The following FRAS1 variants were observed in gnomAD, a reference collection of about 807,000 sequenced individuals.
FRAS1 encodes the protein Fraser extracellular matrix complex subunit 1, also known as extracellular matrix organizing protein FRAS1.
FRAS1 carries 290 observed loss-of-function variants against 435.2 expected under a neutral mutation model. The ratio of observed to expected loss-of-function variants is 0.67; its 90% CI spans 0.61 to 0.73. The LOEUF (loss-of-function observed/expected upper bound fraction) is 0.73, where lower values mean the gene tolerates loss of function less well. FRAS1 is among the 30% of genes least tolerant of loss of function. FRAS1 has a pLI of 0.00. For missense variants in FRAS1, 4,860 were observed against 5,001.5 expected, an observed-to-expected ratio of 0.97 and a Z score of 0.85; for synonymous variants, 1,800 against 1,851.0, an observed-to-expected ratio of 0.97 and a Z score of 0.71.
rs775576350 is a variant in FRAS1 at position 78,282,979 on chromosome 4, T to A, written c.1255+12T>A. 1 of 1,474,264 alleles carries A rather than the reference T, an allele frequency of 6.8e-7. No individual in the cohort carries two copies. The highest frequency in any genetic ancestry group is 1.5e-5 in the South Asian group (1 of 66,230). 91.3% of individuals were successfully genotyped at this position (1,474,264 alleles called of 1,614,324 possible). ...AGACTGCACATCAGGTGGGTCCATG[T>A]CTCCTCTGTTTCTACTGAGATAGTT... On this transcript the variant is annotated intron_variant, in intron 12 of 73. Transcript: ENST00000512123.
chr4:78,416,476 T>G (rs149370789), intron 32 of FRAS1, among the ~76,000 whole-genome samples: 1 of 151,776 alleles, frequency 6.6e-6, no homozygotes, highest in African/African-American at 2.4e-5. Flanking sequence ...TAAGAGAGAC[T>G]TAGAGACACA....
chr4:78,514,155 G>T (rs898021638), intron 65 of FRAS1, among the ~76,000 whole-genome samples: 1 of 152,242 alleles, frequency 6.6e-6, no homozygotes, highest in African/African-American at 2.4e-5. Flanking sequence ...GCTCTGGAGA[G>T]ACTTGTCCTA....
intron 2 of FRAS1, among the ~76,000 whole-genome samples, chr4:78,105,284 T>C (rs956232017): frequency 2.0e-5 from 3 of 152,212 alleles, no homozygotes; most frequent in Admixed American, 6.5e-5. Context: ...TGGTTATATA[T>C]TGTCCATCCA....
In FRAS1 at chr4:78,387,614, A is replaced by G; in HGVS notation, c.3888A>G (p.Ser1296=). 6.2e-7 allele frequency: 1 copy of G among 1,612,508 alleles called. No homozygotes were observed. Among genetic ancestry groups the G allele is most frequent in the Non-Finnish European group, 8.5e-7 (1 of 1,178,830 alleles). Reference sequence around the variant, plus strand: ...TTCTCCACTATGCTCATGATGGTTCAGACAGCACATCCGATGTTGCAGTCT... The same window carrying G: ...TTCTCCACTATGCTCATGATGGTTCGGACAGCACATCCGATGTTGCAGTCT... ...RGLLHYAHDG[S]DSTSDVAVLQ... The change falls in exon 29 of 74, where the codon TCA becomes TCG. Residue 1296 remains serine, a synonymous_variant. Coordinates refer to ENST00000512123, the MANE Select transcript of FRAS1 (RefSeq NM_025074.7).
intron 9 of FRAS1, among the ~76,000 whole-genome samples, chr4:78,273,765 C>T (rs1401812166): frequency 6.6e-6 from 1 of 152,088 alleles, no homozygotes; most frequent in Non-Finnish European, 1.5e-5. Flanking sequence ...GGATATTGGT[C>T]TAAAATTCTC....
At chr4:78,400,996 C>G in intron 30 of FRAS1, 109 bp downstream of exon 30, 1 of 933,920 alleles carries the variant, frequency 1.1e-6, no homozygotes, top group South Asian at 2.0e-5. Flanking sequence ...ACTGAGCTTT[C>G]TAATACCTTA....
chr4:78,440,927 A>G (rs1267104217), intron 40 of FRAS1, among the ~76,000 whole-genome samples: 1 of 151,926 alleles, frequency 6.6e-6, no homozygotes, highest in Non-Finnish European at 1.5e-5. Flanking sequence ...ATGGAGTGCA[A>G]CTTTGAAGGG....
intron 31 of FRAS1, among the ~76,000 whole-genome samples, chr4:78,409,668 T>G (rs945367265): frequency 1.3e-5 from 2 of 152,154 alleles, no homozygotes; most frequent in African/African-American, 4.8e-5. Flanking sequence ...AATAAGGAAT[T>G]ATGAATAAGA....
chr4:78,440,950 C>T (rs989898593), intron 40 of FRAS1, among the ~76,000 whole-genome samples: 11 of 152,142 alleles, frequency 7.2e-5, no homozygotes, highest in Non-Finnish European at 1.5e-4. Context: ...ATACAGAAGT[C>T]ATCATGTCTG....
At chr4:78,487,366 G>T (rs140122623) in intron 58 of FRAS1, among the ~76,000 whole-genome samples, 1 of 152,254 alleles carries the variant, frequency 6.6e-6, no homozygotes, top group African/African-American at 2.4e-5. Flanking sequence ...CATTGACTTG[G>T]AGAATGCTTG....
At chr4:78,529,332 A>C (rs1348611353) in intron 70 of FRAS1, among the ~76,000 whole-genome samples, 2 of 152,150 alleles carry the variant, frequency 1.3e-5, no homozygotes, top group Admixed American at 6.6e-5. Context: ...TAAATGTTTA[A>C]AAATTATGTA....
Position 78,448,309 on chromosome 4 carries a change from C to T in FRAS1, c.6267C>T (p.Leu2089=). ...TGGCTATAAACCAAGGCCTACAGCTCTCAGCAGGTACCACAGAAATAAAGG... is the reference window on the plus strand; with the variant it reads ...TGGCTATAAACCAAGGCCTACAGCTTTCAGCAGGTACCACAGAAATAAAGG... ...PHLAINQGLQ[L]SAGSVARITE... Residue 2089 remains leucine (L), a synonymous_variant, in exon 44 of 74, where the codon CTC becomes CTT. Transcript: ENST00000512123. 1.2e-6 allele frequency: 2 copies of T among 1,605,722 alleles called. No individual in the cohort carries two copies. Among genetic ancestry groups the T allele is most frequent in the Non-Finnish European group, 1.7e-6 (2 of 1,175,946 alleles).
chr4:78,384,896 A>T (rs1341479888), intron 28 of FRAS1, among the ~76,000 whole-genome samples: 1 of 133,392 alleles, frequency 7.5e-6, no homozygotes, highest in Non-Finnish European at 1.6e-5. Context: ...CAACACAGTG[A>T]GACCCTGTCT....
intron 2 of FRAS1, among the ~76,000 whole-genome samples, chr4:78,182,879 C>CAA (rs1420628017): frequency 4.3e-4 from 12 of 27,888 alleles, no homozygotes; most frequent in African/African-American, 7.6e-4. Flanking sequence ...GACCCTGTCT[C>CAA]AAAAAAAAGA....
At chr4:78,187,346 A>T (rs1417310794) in intron 2 of FRAS1, among the ~76,000 whole-genome samples, 1 of 152,132 alleles carries the variant, frequency 6.6e-6, no homozygotes, top group Non-Finnish European at 1.5e-5. Flanking sequence ...TAATTGGGCG[A>T]GATGATGATT....
rs1345652274 is a variant in FRAS1 at position 78,519,365 on chromosome 4, A to C, written c.10424A>C (p.His3475Pro). The change falls in exon 67 of 74, where the codon CAC becomes CCC. Residue 3475 changes from histidine (H) to proline (P), a missense_variant. Transcript: ENST00000512123. Reference sequence around the variant, plus strand: ...TCTGCCCAGTCCTTCTTGACAGTGCACGTGCCTCTATATGTGTCCTACATC... The same window carrying C: ...TCTGCCCAGTCCTTCTTGACAGTGCCCGTGCCTCTATATGTGTCCTACATC... ...RDSAQSFLTV[H>P]VPLYVSYIYV... 1 of 1,597,496 alleles carries C rather than the reference A, an allele frequency of 6.3e-7. No individual in the cohort carries two copies. The highest frequency in any genetic ancestry group is 2.3e-5 in the East Asian group (1 of 44,380).
At chr4:78,096,177 T>C (rs115678608) in intron 2 of FRAS1, among the ~76,000 whole-genome samples, 3,007 of 152,332 alleles carry the variant, frequency 0.02, 105 homozygotes, top group African/African-American at 0.068. Context: ...AGTCAAATTT[T>C]AAAGCTCCAA....
intron 2 of FRAS1, among the ~76,000 whole-genome samples, chr4:78,133,701 T>C (rs1251040160): frequency 2.0e-5 from 3 of 152,180 alleles, no homozygotes; most frequent in African/African-American, 7.2e-5. Context: ...AAAATATGCC[T>C]GTGCAAGATA....
At chr4:78,347,662 A>G (rs1226119354) in intron 20 of FRAS1, among the ~76,000 whole-genome samples, 3 of 152,116 alleles carry the variant, frequency 2.0e-5, no homozygotes, top group South Asian at 2.1e-4. Context: ...GCAAACATCA[A>G]ATAAGCACTC....
Sources: gnomAD v4.1 joint callset for allele counts (sites outside exome capture counted in the v4.1 genomes callset) on GRCh38, gnomAD v4.1.1 for gene constraint, MANE v1.5 for transcripts, NCBI Gene and HGNC (gene_info 2026-07-23, HGNC 2026-07-21) for gene names.